Variants in STX2 observed in about 807,000 individuals in gnomAD.
STX2 encodes syntaxin-2.
Under a neutral mutation model 40.6 loss-of-function variants are expected in STX2, and 27 were observed. The observed-to-expected ratio is 0.66, with a 90% CI of 0.49 to 0.92. The LOEUF (loss-of-function observed/expected upper bound fraction) is 0.92, where lower values mean the gene tolerates loss of function less well. Among genes scored for constraint, STX2 ranks in the 40% least tolerant of loss-of-function variants. The pLI is 0.00. For missense variants in STX2, 328 were observed against 366.1 expected, an observed-to-expected ratio of 0.90 and a Z score of 0.85; for synonymous variants, 123 against 119.1, an observed-to-expected ratio of 1.03 and a Z score of -0.22.
At position 130,829,388 on chromosome 12, in the gene STX2, G is replaced by A. The variant is rs1464861379; in HGVS notation, c.31-2121C>T. Among the ~76,000 whole-genome samples the A allele has an allele frequency of 2.0e-5, 3 of 152,218 alleles. No individual in the cohort carries two copies. The East Asian group carries it at 5.8e-4, about 29-fold the overall frequency. On this transcript the variant is annotated intron_variant, in intron 1 of 10. Transcript: ENST00000392373. ...AGTGAGGAGGCTGAAACACAGTGCA[G>A]GGATCACTCGCAGGGACGGCAGAGC...
In STX2 at chr12:130,792,188, G is replaced by C. The variant is rs570041054; in HGVS notation, c.*46-211C>G. 3.1e-3 allele frequency among the ~76,000 whole-genome samples: 472 copies of C among 152,168 alleles called. 2 individuals are homozygous for C. Among genetic ancestry groups the C allele is most frequent in the African/African-American group, 0.01 (421 of 41,514 alleles). Reference sequence around the variant, plus strand: ...TGATTCTCCTGCCTCAGCCTCCCGAGTAGCTGGGACTACAGGAACCCGCCA... The same window carrying C: ...TGATTCTCCTGCCTCAGCCTCCCGACTAGCTGGGACTACAGGAACCCGCCA... On this transcript the variant is annotated intron_variant, in intron 10 of 10. Transcript: ENST00000392373.
At chr12:130,795,855 G>T in intron 10 of STX2, 140 bp downstream of exon 10, 1 of 1,026,892 alleles carries the variant, frequency 9.7e-7, no homozygotes, top group Non-Finnish European at 1.3e-6. Context: ...CAGCACACAG[G>T]CAGATGTATC....
At chr12:130,814,226 A>C (rs1300000292) in intron 3 of STX2, among the ~76,000 whole-genome samples, 2 of 151,944 alleles carry the variant, frequency 1.3e-5, no homozygotes, top group African/African-American at 4.8e-5. Flanking sequence ...TCATCTAAGG[A>C]GGCTAACAAG....
In STX2 at chr12:130,836,357, G is replaced by A. The variant is rs533687733; in HGVS notation, c.30+2713C>T. Among the ~76,000 whole-genome samples the A allele has an allele frequency of 2.3e-4, 35 of 152,112 alleles. No homozygotes were observed. In the Middle Eastern group the frequency reaches 0.014, roughly 59 times the overall value. On this transcript the variant is annotated intron_variant, in intron 1 of 10. Transcript: ENST00000392373. The stretch of plus-strand genomic sequence containing the variant: ...AAAATCTTGGCTCACTGCAACCTCC[G>A]CCTCCTGGACTCAAGCAATCTTCCC...
chr12:130,827,665 G>A (rs1015733144), intron 1 of STX2, among the ~76,000 whole-genome samples: 2 of 152,258 alleles, frequency 1.3e-5, no homozygotes, highest in African/African-American at 4.8e-5. Flanking sequence ...TGTAATCCCA[G>A]CACTTTAGGA....
rs557476481 is a variant in STX2 at position 130,791,793 on chromosome 12, G to A, written c.*230C>T. 10 of 1,006,884 alleles carry A rather than the reference G, an allele frequency of 9.9e-6. No homozygotes were observed. The highest frequency in any genetic ancestry group is 4.9e-5 in the East Asian group (2 of 40,920). 62.4% of individuals were successfully genotyped at this position (1,006,884 alleles called of 1,614,324 possible). A position where few individuals can be genotyped will look rare whatever the true frequency, so the allele number is the denominator to read the frequency against. On this transcript the variant is annotated 3_prime_UTR_variant, in exon 11 of 11. Transcript: ENST00000392373. ...CTCATACATTACAAGGTCAGCACTC[G>A]ATGCCGGGTTACAGCGTCTGAGATT...
At chr12:130,806,110 G>GA (rs1293066298) in intron 6 of STX2, among the ~76,000 whole-genome samples, 1 of 152,200 alleles carries the variant, frequency 6.6e-6, no homozygotes, top group Non-Finnish European at 1.5e-5. Flanking sequence ...AAACACACTG[G>GA]AAAAGAGTAT....
intron 6 of STX2, among the ~76,000 whole-genome samples, chr12:130,802,434 G>A (rs1377272761): frequency 6.6e-6 from 1 of 152,168 alleles, no homozygotes; most frequent in Non-Finnish European, 1.5e-5. Context: ...CTGACCTCAA[G>A]TGATCTGCCC....
intron 3 of STX2, among the ~76,000 whole-genome samples, chr12:130,819,645 G>C (rs1226826366): frequency 1.3e-5 from 2 of 152,210 alleles, no homozygotes; most frequent in Non-Finnish European, 2.9e-5. Context: ...AAAAAATGCG[G>C]ATACTTATTC....
At chr12:130,836,463 AG>A (rs561099109) in intron 1 of STX2, among the ~76,000 whole-genome samples, 21 of 151,994 alleles carry the variant, frequency 1.4e-4, no homozygotes, top group Non-Finnish European at 2.6e-4. Flanking sequence ...TTGTAAAGAC[AG>A]GGTTTTGCCA....
At chr12:130,833,335 G>C (rs1056985434) in intron 1 of STX2, among the ~76,000 whole-genome samples, 1 of 151,478 alleles carries the variant, frequency 6.6e-6, no homozygotes, top group Admixed American at 6.6e-5. Flanking sequence ...TCAGTGGCTC[G>C]CTCCGTCCTA....
rs1951216645 is a variant in STX2, at chr12:130,801,293, T to C, written c.538-3A>G. On this transcript the variant is annotated splice_polypyrimidine_tract_variant and splice_region_variant and intron_variant, in intron 7 of 10. Transcript: ENST00000392373. ...GTAATTTGTGAATCTGATATAATCT[T>C]GGAAAAACAAAAATAAAAGATAATA... 6.2e-7 allele frequency: 1 copy of C among 1,606,660 alleles called. No individual in the cohort carries two copies. Among genetic ancestry groups the C allele is most frequent in the East Asian group, 2.2e-5 (1 of 44,700 alleles).
intron 1 of STX2, among the ~76,000 whole-genome samples, chr12:130,836,321 A>G (rs1310358235): frequency 6.6e-6 from 1 of 151,946 alleles, no homozygotes; most frequent in East Asian, 1.9e-4. Flanking sequence ...CCCAGGCTGG[A>G]GGGCAGTGGC....
At chr12:130,792,787 A>G (rs1950916696) in intron 10 of STX2, among the ~76,000 whole-genome samples, 1 of 152,230 alleles carries the variant, frequency 6.6e-6, no homozygotes, top group Non-Finnish European at 1.5e-5. Flanking sequence ...TTACATTTAA[A>G]TATGACAAAT....
At chr12:130,796,427 A>C (rs1348308308) in intron 9 of STX2, among the ~76,000 whole-genome samples, 1 of 152,214 alleles carries the variant, frequency 6.6e-6, no homozygotes, top group African/African-American at 2.4e-5. Flanking sequence ...CAGAGGTTGC[A>C]GAGAGCCAGG....
At chr12:130,829,236 T>A (rs1186318008) in intron 1 of STX2, among the ~76,000 whole-genome samples, 1 of 152,184 alleles carries the variant, frequency 6.6e-6, no homozygotes, top group Non-Finnish European at 1.5e-5. Context: ...TCTTAACAAC[T>A]GTACTATTAC....
intron 10 of STX2, among the ~76,000 whole-genome samples, chr12:130,795,554 G>A (rs1297674292): frequency 6.6e-6 from 1 of 152,132 alleles, no homozygotes; most frequent in African/African-American, 2.4e-5. Flanking sequence ...GCAATACAGA[G>A]AGTTCTCGTC....
At chr12:130,796,272 T>C in intron 9 of STX2, 152 bp from the exon 10 acceptor site, 4 of 885,674 alleles carry the variant, frequency 4.5e-6, no homozygotes, top group Non-Finnish European at 6.7e-6. Flanking sequence ...GGCGGATGGA[T>C]CACCTGAGGT....
intron 3 of STX2, among the ~76,000 whole-genome samples, chr12:130,816,064 G>A (rs1410239737): frequency 6.6e-6 from 1 of 152,168 alleles, no homozygotes; most frequent in Admixed American, 6.5e-5. Flanking sequence ...TGGTGCGTGA[G>A]GCTGATGCAA....
Sources: gnomAD v4.1 joint callset for allele counts (sites outside exome capture counted in the v4.1 genomes callset) on GRCh38, gnomAD v4.1.1 for gene constraint, MANE v1.5 for transcripts, NCBI Gene and HGNC (gene_info 2026-07-23, HGNC 2026-07-21) for gene names.